Variants in LSAMP observed in about 807,000 individuals in gnomAD.
The protein encoded by LSAMP is limbic system-associated membrane protein.
In LSAMP, 7 loss-of-function variants were observed where a neutral mutation model predicts 38.6. The observed-to-expected ratio is 0.18, with a 90% CI of 0.10 to 0.34. The LOEUF is 0.34. Among genes scored for constraint, LSAMP ranks in the 10% least tolerant of loss-of-function variants. LSAMP has a pLI of 1.00. For missense variants in LSAMP, 313 were observed against 420.0 expected (o/e 0.75, Z 2.23); for synonymous variants, 154 against 166.8 (o/e 0.92, Z 0.59).
At chr3:116,249,857 C>T (rs1317333643) in intron 1 of LSAMP, among the ~76,000 whole-genome samples, 2 of 152,032 alleles carry the variant, frequency 1.3e-5, no homozygotes, top group African/African-American at 4.8e-5. Flanking sequence ...TAATTATTAC[C>T]GATGACAATA....
chr3:115,938,197 GA>G (rs1937776498), intron 3 of LSAMP, among the ~76,000 whole-genome samples: 2 of 152,120 alleles, frequency 1.3e-5, no homozygotes, highest in Admixed American at 1.3e-4. Context: ...AATTTATTAT[GA>G]GTGTGGTTTA....
In LSAMP at chr3:116,104,235, T is replaced by C. The variant is rs554841458; in HGVS notation, c.156-17679A>G. ...TCACCAGCTCTTAACAGCAACAAAA[T>C]GGTAAGAGGAACATAAAGCAAGATC... On this transcript the variant is annotated intron_variant, in intron 1 of 6. Coordinates refer to ENST00000490035, the MANE Select transcript of LSAMP (RefSeq NM_002338.5). Among the ~76,000 whole-genome samples, 66 of 152,140 alleles carry C rather than the reference T, an allele frequency of 4.3e-4. No homozygotes were observed. In the South Asian group the frequency reaches 6.0e-3, roughly 14 times the overall value.
chr3:116,260,452 A>T (rs867312220), intron 1 of LSAMP, among the ~76,000 whole-genome samples: 1 of 152,002 alleles, frequency 6.6e-6, no homozygotes, highest in Middle Eastern at 3.4e-3. Flanking sequence ...CTATACTAAT[A>T]TATTATAAAT....
At chr3:115,995,076 T>C (rs1017966052) in intron 3 of LSAMP, among the ~76,000 whole-genome samples, 2 of 152,262 alleles carry the variant, frequency 1.3e-5, no homozygotes, top group African/African-American at 4.8e-5. Flanking sequence ...CATCTTTAAA[T>C]CTTGCTGGTC....
chr3:115,884,403 G>A (rs11922340), intron 3 of LSAMP, among the ~76,000 whole-genome samples: 8,676 of 152,020 alleles, frequency 0.057, 797 homozygotes, highest in African/African-American at 0.19. Flanking sequence ...GTAATAAAAG[G>A]CAACGAAGGG....
chr3:115,832,920 G>A (rs1421367980), intron 6 of LSAMP, among the ~76,000 whole-genome samples: 10 of 152,054 alleles, frequency 6.6e-5, no homozygotes, highest in Admixed American at 3.3e-4. Context: ...TTCAGTATCC[G>A]ACAGCTGTCT....
chr3:116,216,726 G>T lies in LSAMP; in HGVS notation c.156-130170C>A, dbSNP rs184457212. Among the ~76,000 whole-genome samples, 720 of 152,278 alleles carry T rather than the reference G, an allele frequency of 4.7e-3. 6 individuals carry two copies. The highest frequency in any genetic ancestry group is 0.016 in the African/African-American group (662 of 41,556). On this transcript the variant is annotated intron_variant, in intron 1 of 6. Transcript: ENST00000490035. ...CTGAAATAATTATGAGTTTAAAACAGGAGATTAAGGAAGAAGTGTTGGAAA... is the reference window on the plus strand; with the variant it reads ...CTGAAATAATTATGAGTTTAAAACATGAGATTAAGGAAGAAGTGTTGGAAA...
intron 1 of LSAMP, among the ~76,000 whole-genome samples, chr3:116,229,655 A>G (rs1192113842): frequency 6.6e-6 from 1 of 152,174 alleles, no homozygotes; most frequent in Non-Finnish European, 1.5e-5. Context: ...ACTCTAAAAT[A>G]AAATTTAAAA....
chr3:115,880,755 G>A (rs1192067403), intron 3 of LSAMP, among the ~76,000 whole-genome samples: 1 of 152,068 alleles, frequency 6.6e-6, no homozygotes, highest in African/African-American at 2.4e-5. Context: ...ACATAGGCTG[G>A]GTGTGGTGGC....
intron 1 of LSAMP, among the ~76,000 whole-genome samples, chr3:116,153,954 A>G (rs1709682043): frequency 6.6e-6 from 1 of 152,058 alleles, no homozygotes; most frequent in South Asian, 2.1e-4. Flanking sequence ...AAGCATTCTA[A>G]ATCTGTGTTT....
chr3:116,180,637 T>A (rs1003670179), intron 1 of LSAMP, among the ~76,000 whole-genome samples: 5 of 152,114 alleles, frequency 3.3e-5, no homozygotes, highest in Non-Finnish European at 7.4e-5. Flanking sequence ...ATGCCTGTAT[T>A]TGATGACCAA....
chr3:116,232,824 G>C (rs1380409274), intron 1 of LSAMP, among the ~76,000 whole-genome samples: 1 of 150,356 alleles, frequency 6.7e-6, no homozygotes, highest in Non-Finnish European at 1.5e-5. Context: ...ACCTAGCTGG[G>C]TTTTGATGGA....
chr3:116,370,693 A>G (rs2048418648), intron 1 of LSAMP, among the ~76,000 whole-genome samples: 1 of 152,210 alleles, frequency 6.6e-6, no homozygotes, highest in African/African-American at 2.4e-5. Context: ...AGAAGTGCAG[A>G]CAAAGAGGTG....
intron 1 of LSAMP, among the ~76,000 whole-genome samples, chr3:116,396,924 C>G (rs2048775796): frequency 6.6e-6 from 1 of 152,184 alleles, no homozygotes; most frequent in South Asian, 2.1e-4. Context: ...AATATCATTT[C>G]TATCATCAAA....
intron 1 of LSAMP, among the ~76,000 whole-genome samples, chr3:116,421,543 T>TA (rs113227325): frequency 0.81 from 109,997 of 136,238 alleles, 42,127 homozygotes; most frequent in East Asian, 0.83. Flanking sequence ...AGATTCTGTC[T>TA]AAAAAAAAAA....
chr3:116,350,003 G>C (rs1300351724), intron 1 of LSAMP, among the ~76,000 whole-genome samples: 2 of 152,008 alleles, frequency 1.3e-5, no homozygotes, highest in Non-Finnish European at 2.9e-5. Flanking sequence ...ACTTCAGGGA[G>C]GCTACATGTT....
At chr3:116,019,434 A>G in intron 3 of LSAMP, 81 bp downstream of exon 3, 1 of 1,507,244 alleles carries the variant, frequency 6.6e-7, no homozygotes, top group East Asian at 2.4e-5. Context: ...TTGAATTGAA[A>G]TTTCTGATTC....
At chr3:116,036,100 G>A (rs115637479) in intron 2 of LSAMP, among the ~76,000 whole-genome samples, 1,858 of 152,318 alleles carry the variant, frequency 0.012, 36 homozygotes, top group African/African-American at 0.041. Flanking sequence ...GAACTCAGTA[G>A]TATCTGCTTC....
intron 1 of LSAMP, among the ~76,000 whole-genome samples, chr3:116,116,674 GCCACTGCACT>G (rs1285816306): frequency 8.6e-5 from 13 of 151,600 alleles, no homozygotes; most frequent in Non-Finnish European, 1.8e-4. Flanking sequence ...CTGAGATCGC[GCCACTGCACT>G]CCAGTCTGGC....
Sources: allele counts gnomAD v4.1 joint callset (sites outside exome capture counted in the v4.1 genomes callset), GRCh38; gene constraint gnomAD v4.1.1; transcripts MANE v1.5; gene names NCBI Gene and HGNC (gene_info 2026-07-23, HGNC 2026-07-21).